The following NVL variants were observed in gnomAD, a reference collection of about 807,000 sequenced individuals.
NVL encodes nuclear valosin-containing protein-like.
In NVL, 84 loss-of-function variants were observed where a neutral mutation model predicts 110.2. The observed-to-expected ratio is 0.76, with a 90% CI of 0.64 to 0.91. The LOEUF (loss-of-function observed/expected upper bound fraction) is 0.91. Ranked by LOEUF, NVL falls within the 40% of genes least tolerant of loss-of-function variation. The pLI, the probability that NVL is intolerant of heterozygous loss-of-function variation, is 0.00. For missense variants in NVL, 882 were observed against 1,035.9 expected (o/e 0.85, Z 2.04); for synonymous variants, 354 against 361.1 (o/e 0.98, Z 0.22).
Position 224,233,277 on chromosome 1 carries a change from G to A in NVL, c.2379C>T (p.Leu793=). 2 of 1,611,084 alleles carry A rather than the reference G, an allele frequency of 1.2e-6. No homozygotes were observed. The highest frequency in any genetic ancestry group is 1.7e-6 in the Non-Finnish European group (2 of 1,178,892). ...LRCDCYTGAD[L]SALVREASIC... Reference sequence around the variant, plus strand: ...TAGAAGCTTCTCGTACCAAAGCAGAGAGATCTGCGCCCCTACAATAAAATA... The same window carrying A: ...TAGAAGCTTCTCGTACCAAAGCAGAAAGATCTGCGCCCCTACAATAAAATA... The change falls in exon 21 of 23, where the codon CTC becomes CTT. Residue 793 remains leucine, a synonymous_variant. Transcript: ENST00000281701.
chr1:224,262,149 C>A (rs1211144327), intron 18 of NVL, among the ~76,000 whole-genome samples: 2 of 151,742 alleles, frequency 1.3e-5, no homozygotes, highest in Non-Finnish European at 2.9e-5. Flanking sequence ...GGAGATCAGT[C>A]CAGGAGGGTT....
intron 8 of NVL, 41 bp from the exon 9 acceptor site, chr1:224,303,898 C>T (rs765091171): frequency 9.6e-6 from 15 of 1,559,864 alleles, no homozygotes; most frequent in Non-Finnish European, 1.3e-5. Flanking sequence ...CAAGACAGAA[C>T]AATCAAAGTA....
chr1:224,319,394 G>A (rs1015498330), intron 2 of NVL, among the ~76,000 whole-genome samples: 4 of 151,544 alleles, frequency 2.6e-5, no homozygotes, highest in Admixed American at 1.3e-4. Context: ...TGCAGACTCC[G>A]CTTCCGGGGT....
intron 13 of NVL, 78 bp from the exon 14 acceptor site, chr1:224,288,071 A>G (rs1201237577): frequency 5.7e-6 from 6 of 1,044,308 alleles, no homozygotes; most frequent in Non-Finnish European, 8.6e-6. Context: ...TCTACTTGTA[A>G]AAATTATTAC....
At chr1:224,274,585 C>T (rs774677276) in intron 17 of NVL, among the ~76,000 whole-genome samples, 16 of 151,414 alleles carry the variant, frequency 1.1e-4, no homozygotes, top group Non-Finnish European at 2.1e-4. Context: ...TGCAGTGAGC[C>T]GAGATGCACC....
intron 19 of NVL, among the ~76,000 whole-genome samples, chr1:224,248,755 T>C (rs1335253947): frequency 2.6e-5 from 4 of 152,158 alleles, no homozygotes; most frequent in African/African-American, 4.8e-5. Flanking sequence ...CAAAATCTTG[T>C]GATGTCTATT....
intron 19 of NVL, among the ~76,000 whole-genome samples, chr1:224,241,994 T>C (rs1350361023): frequency 6.6e-6 from 1 of 151,808 alleles, no homozygotes; most frequent in Admixed American, 6.6e-5. Context: ...ACCACGCCAT[T>C]GCACTCTAGC....
In NVL at chr1:224,300,577, T is replaced by C; in HGVS notation, c.1047A>G (p.Leu349=). The C allele has an allele frequency of 6.2e-7, 1 of 1,613,716 alleles. No individual in the cohort carries two copies. Among genetic ancestry groups the C allele is most frequent in the Non-Finnish European group, 8.5e-7 (1 of 1,179,698 alleles). Reference sequence around the variant, plus strand: ...ACTGACTCACCACAGCTTGCTCAAATAGTTCTCTCAGCTTCTGCTCAGACT... The same window carrying C: ...ACTGACTCACCACAGCTTGCTCAAACAGTTCTCTCAGCTTCTGCTCAGACT... The part of the protein sequence containing the change: ...SGESEQKLRE[L]FEQAVSNAPC... Residue 349 remains leucine, a synonymous_variant, in exon 10 of 23, where the codon CTA becomes CTG. Coordinates refer to ENST00000281701, the MANE Select transcript of NVL (RefSeq NM_002533.4).
At chr1:224,267,561 C>G (rs1664614413) in intron 18 of NVL, among the ~76,000 whole-genome samples, 1 of 151,932 alleles carries the variant, frequency 6.6e-6, no homozygotes, top group African/African-American at 2.4e-5. Flanking sequence ...GGTGGCAGCA[C>G]CTGTAATCCC....
intron 2 of NVL, among the ~76,000 whole-genome samples, chr1:224,322,088 T>C (rs1047580361): frequency 6.6e-6 from 1 of 152,140 alleles, no homozygotes; most frequent in African/African-American, 2.4e-5. Context: ...GTCTTTATTT[T>C]TATTTTTTAA....
intron 10 of NVL, among the ~76,000 whole-genome samples, 186 bp from the exon 11 acceptor site, chr1:224,296,804 T>C (rs1184318436): frequency 6.6e-6 from 1 of 152,186 alleles, no homozygotes; most frequent in Non-Finnish European, 1.5e-5. Context: ...ACCAAGATGA[T>C]TAGAAGTACA....
intron 1 of NVL, among the ~76,000 whole-genome samples, chr1:224,328,879 A>G (rs1156908397): frequency 6.6e-6 from 1 of 152,152 alleles, no homozygotes; most frequent in Non-Finnish European, 1.5e-5. Context: ...ACTTCAAGAT[A>G]AAATCTGGAC....
chr1:224,235,340 G>A (rs956031766), intron 20 of NVL, among the ~76,000 whole-genome samples: 4 of 151,910 alleles, frequency 2.6e-5, no homozygotes, highest in Non-Finnish European at 5.9e-5. Flanking sequence ...GCTAATTTTT[G>A]TAGTTTTAGT....
intron 2 of NVL, among the ~76,000 whole-genome samples, chr1:224,320,844 G>A (rs1430296931): frequency 6.6e-6 from 1 of 151,938 alleles, no homozygotes; most frequent in Non-Finnish European, 1.5e-5. Context: ...CAGAGATGGG[G>A]GTCTCACTAT....
At chr1:224,285,828 T>C (rs1004706359) in intron 15 of NVL, among the ~76,000 whole-genome samples, 198 bp downstream of exon 15, 1 of 152,148 alleles carries the variant, frequency 6.6e-6, no homozygotes, top group Non-Finnish European at 1.5e-5. Context: ...ATGGTTGATA[T>C]AAACATTTTT....
chr1:224,308,552 G>C (rs942872325), intron 5 of NVL, among the ~76,000 whole-genome samples: 7 of 151,732 alleles, frequency 4.6e-5, no homozygotes, highest in Non-Finnish European at 1.0e-4. Context: ...TTAGCCGGGC[G>C]CAGTGGTAGG....
At chr1:224,318,799 C>A (rs1283345505) in intron 2 of NVL, among the ~76,000 whole-genome samples, 7 of 150,020 alleles carry the variant, frequency 4.7e-5, no homozygotes, top group Non-Finnish European at 1.0e-4. Flanking sequence ...CTGGCTAACA[C>A]GGTGAAACCT....
At chr1:224,258,221 T>G (rs1318161142) in intron 18 of NVL, among the ~76,000 whole-genome samples, 6 of 152,018 alleles carry the variant, frequency 3.9e-5, no homozygotes, top group African/African-American at 1.4e-4. Flanking sequence ...ATAACCTAAT[T>G]GAAAAATGAC....
At chr1:224,246,184 T>A (rs1397061576) in intron 19 of NVL, among the ~76,000 whole-genome samples, 1 of 152,032 alleles carries the variant, frequency 6.6e-6, no homozygotes, top group Non-Finnish European at 1.5e-5. Context: ...GAGCACACCA[T>A]CACACCCAGC....
Sources: allele counts gnomAD v4.1 joint callset (sites outside exome capture counted in the v4.1 genomes callset), GRCh38; gene constraint gnomAD v4.1.1; transcripts MANE v1.5; gene names NCBI Gene and HGNC (gene_info 2026-07-23, HGNC 2026-07-21).